The following DNM3 variants were observed in gnomAD, a reference collection of about 807,000 sequenced individuals.
DNM3 encodes dynamin 3.
In DNM3, 47 loss-of-function variants were observed where a neutral mutation model predicts 101.6. That is an observed-to-expected ratio of 0.46 (90% confidence interval 0.37 to 0.59). The LOEUF is 0.59. Among genes scored for constraint, DNM3 ranks in the 20% least tolerant of loss-of-function variants. The probability of loss-of-function intolerance (pLI) is 0.00; values close to 1 mark genes in which losing one functional copy is unlikely to be tolerated. For synonymous variants in DNM3, 385 were observed against 387.9 expected (o/e 0.99, Z 0.09); for missense variants, 849 against 1,085.7 (o/e 0.78, Z 3.06).
chr1:172,340,530 G>A lies in DNM3; in HGVS notation c.1893+17190G>A, dbSNP rs41462647. Among the ~76,000 whole-genome samples, 1,414 of 152,290 alleles carry A rather than the reference G, an allele frequency of 9.3e-3. 31 individuals carry two copies. Among genetic ancestry groups the A allele is most frequent in the African/African-American group, 0.032 (1,335 of 41,558 alleles). ...TAGGAGCTTTTCCTGATGGGTCACT[G>A]ACAAACATGGTGCATTCACTATGAA... On this transcript the variant is annotated intron_variant, in intron 17 of 20. Coordinates refer to ENST00000627582, the MANE Select transcript of DNM3 (RefSeq NM_015569.5).
At chr1:171,921,105 G>GTTTGTAGGGTT (rs2040126045) in intron 1 of DNM3, among the ~76,000 whole-genome samples, 1 of 141,642 alleles carries the variant, frequency 7.1e-6, no homozygotes, top group Non-Finnish European at 1.5e-5. Flanking sequence ...TTTTTGTAGG[G>GTTTGTAGGGTT]TTTTTTTTTT....
intron 14 of DNM3, among the ~76,000 whole-genome samples, chr1:172,218,936 C>T (rs747547773): frequency 6.6e-6 from 1 of 152,112 alleles, no homozygotes; most frequent in Non-Finnish European, 1.5e-5. Flanking sequence ...TTCTTCAAAA[C>T]TATGAACTGT....
At chr1:171,963,697 T>C (rs2043369086) in intron 2 of DNM3, among the ~76,000 whole-genome samples, 1 of 151,334 alleles carries the variant, frequency 6.6e-6, no homozygotes, top group African/African-American at 2.4e-5. Context: ...TGGTCTTTTT[T>C]TTAAAAAGTG....
At chr1:171,872,077 T>C (rs2035349042) in intron 1 of DNM3, among the ~76,000 whole-genome samples, 1 of 152,062 alleles carries the variant, frequency 6.6e-6, no homozygotes, top group African/African-American at 2.4e-5. Flanking sequence ...ATAAGGTGTG[T>C]AGGGAGAATT....
At chr1:172,271,824 A>G (rs1349873183) in intron 15 of DNM3, among the ~76,000 whole-genome samples, 1 of 152,154 alleles carries the variant, frequency 6.6e-6, no homozygotes, top group Non-Finnish European at 1.5e-5. Context: ...TGGTTCACTG[A>G]TTTACACAGA....
At chr1:172,076,916 C>G (rs1359021593) in intron 11 of DNM3, among the ~76,000 whole-genome samples, 1 of 152,074 alleles carries the variant, frequency 6.6e-6, no homozygotes, top group Non-Finnish European at 1.5e-5. Context: ...GTACCTATCA[C>G]AGAATTCAGC....
intron 11 of DNM3, among the ~76,000 whole-genome samples, chr1:172,074,832 G>A (rs556860291): frequency 6.6e-6 from 1 of 152,328 alleles, no homozygotes; most frequent in East Asian, 1.9e-4. Flanking sequence ...TATGTACCCA[G>A]TAATGGGACT....
intron 14 of DNM3, among the ~76,000 whole-genome samples, chr1:172,174,647 T>C (rs570154441): frequency 6.6e-6 from 1 of 151,794 alleles, no homozygotes; most frequent in East Asian, 1.9e-4. Context: ...ATTTACCTTA[T>C]ATCAGAAAAA....
intron 4 of DNM3, among the ~76,000 whole-genome samples, chr1:171,992,653 C>T (rs992308958): frequency 3.3e-5 from 5 of 151,930 alleles, no homozygotes; most frequent in Non-Finnish European, 7.4e-5. Flanking sequence ...CTACTTGCCC[C>T]CAGTTTTTAT....
intron 14 of DNM3, among the ~76,000 whole-genome samples, chr1:172,249,753 A>C (rs575956118): frequency 2.7e-4 from 40 of 148,342 alleles, no homozygotes; most frequent in Non-Finnish European, 5.4e-4. Context: ...ATCAAATTTC[A>C]TTTCTTATTT....
intron 14 of DNM3, among the ~76,000 whole-genome samples, chr1:172,236,029 G>A (rs1052364981): frequency 5.9e-5 from 9 of 152,006 alleles, no homozygotes; most frequent in African/African-American, 1.7e-4. Flanking sequence ...TAGCTATTGG[G>A]GCCATACAGG....
intron 13 of DNM3, among the ~76,000 whole-genome samples, chr1:172,121,421 T>C (rs1016476457): frequency 6.6e-6 from 1 of 152,208 alleles, no homozygotes; most frequent in African/African-American, 2.4e-5. Context: ...GAAATAATTT[T>C]AAGAATCAAG....
At chr1:172,166,030 C>T (rs1034749961) in intron 14 of DNM3, among the ~76,000 whole-genome samples, 7 of 152,138 alleles carry the variant, frequency 4.6e-5, no homozygotes, top group Admixed American at 3.3e-4. Context: ...GGTCTCTCTT[C>T]CGAGATCCCA....
At chr1:172,204,046 G>C (rs758033804) in intron 14 of DNM3, among the ~76,000 whole-genome samples, 5 of 152,068 alleles carry the variant, frequency 3.3e-5, no homozygotes, top group Non-Finnish European at 7.4e-5. Context: ...GGTTTTTACT[G>C]TCATGAAAAA....
chr1:171,952,122 C>T (rs1404793412), intron 2 of DNM3, among the ~76,000 whole-genome samples: 1 of 152,092 alleles, frequency 6.6e-6, no homozygotes, highest in Non-Finnish European at 1.5e-5. Context: ...ATGAAGCCTC[C>T]AGGTAACAGC....
chr1:172,025,751 T>C (rs903693847), intron 4 of DNM3, among the ~76,000 whole-genome samples: 3 of 152,026 alleles, frequency 2.0e-5, no homozygotes, highest in Admixed American at 6.5e-5. Flanking sequence ...CAGAAAAGAA[T>C]AGCATCAACG....
At chr1:172,281,587 A>G (rs1371343046) in intron 15 of DNM3, among the ~76,000 whole-genome samples, 1 of 152,146 alleles carries the variant, frequency 6.6e-6, no homozygotes, top group Non-Finnish European at 1.5e-5. Context: ...ATTTAGTACT[A>G]TAAGTTACTT....
intron 2 of DNM3, among the ~76,000 whole-genome samples, chr1:171,952,158 T>G (rs1329619174): frequency 6.6e-6 from 1 of 152,150 alleles, no homozygotes; most frequent in Non-Finnish European, 1.5e-5. Flanking sequence ...ATGGCAGATG[T>G]CTTTTTTGGG....
At chr1:172,304,120 G>C (rs2064631914) in intron 15 of DNM3, among the ~76,000 whole-genome samples, 1 of 150,020 alleles carries the variant, frequency 6.7e-6, no homozygotes, top group South Asian at 2.1e-4. Context: ...TCAGTGTGCT[G>C]TATTCAGGAG....
Sources: gnomAD v4.1 joint callset for allele counts (sites outside exome capture counted in the v4.1 genomes callset) on GRCh38, gnomAD v4.1.1 for gene constraint, MANE v1.5 for transcripts, NCBI Gene and HGNC (gene_info 2026-07-23, HGNC 2026-07-21) for gene names.